Variants in SPAG16 observed in about 807,000 individuals in gnomAD.
SPAG16 encodes sperm-associated antigen 16 protein.
SPAG16 carries 86 observed loss-of-function variants against 80.4 expected under a neutral mutation model. That is an observed-to-expected ratio of 1.07 (90% CI 0.90 to 1.28). SPAG16 has a LOEUF of 1.28. SPAG16 is among the 50% of genes most tolerant of loss of function. The pLI is 0.00. For missense variants in SPAG16, 870 were observed against 765.3 expected, an observed-to-expected ratio of 1.14 and a Z score of -1.61; for synonymous variants, 294 against 265.9, an observed-to-expected ratio of 1.11 and a Z score of -1.03.
At chr2:213,392,366 A>G (rs544526467) in intron 9 of SPAG16, among the ~76,000 whole-genome samples, 10 of 152,340 alleles carry the variant, frequency 6.6e-5, no homozygotes, top group Admixed American at 3.3e-4. Flanking sequence ...TCTGGCATCA[A>G]CCAAGGATCT....
chr2:214,280,733 A>T (rs553315443), intron 15 of SPAG16: 1 of 402,908 alleles, frequency 2.5e-6, no homozygotes, highest in African/African-American at 2.1e-5. Flanking sequence ...GGATGGTTCT[A>T]TCTCTTTTAA....
intron 14 of SPAG16, among the ~76,000 whole-genome samples, chr2:214,109,687 A>G (rs1244898487): frequency 6.6e-6 from 1 of 152,208 alleles, no homozygotes; most frequent in African/African-American, 2.4e-5. Flanking sequence ...CCAAAATTAC[A>G]TTTTAATAGA....
At chr2:213,485,562 T>C (rs2073940212) in intron 9 of SPAG16, among the ~76,000 whole-genome samples, 1 of 152,130 alleles carries the variant, frequency 6.6e-6, no homozygotes, top group Non-Finnish European at 1.5e-5. Flanking sequence ...ATGCATTTTT[T>C]TTTTTCATTT....
intron 11 of SPAG16, among the ~76,000 whole-genome samples, chr2:213,872,282 A>G (rs1013324806): frequency 6.6e-5 from 10 of 152,114 alleles, no homozygotes; most frequent in East Asian, 1.9e-4. Flanking sequence ...CTTCAATCCA[A>G]TGAAACTTAT....
rs796912299 is a variant in SPAG16 at position 213,980,708 on chromosome 2, G to GTATATATATA, written c.1401-33242_1401-33241insATATATATAT. Among the ~76,000 whole-genome samples, 150 of 102,626 alleles carry GTATATATATA rather than the reference G, an allele frequency of 1.5e-3. 8 individuals carry two copies. The highest frequency in any genetic ancestry group is 4.5e-3 in the African/African-American group (92 of 20,444). 67.3% of individuals were successfully genotyped at this position (102,626 alleles called of 152,430 possible). A position where few individuals can be genotyped will look rare whatever the true frequency, so the allele number is the denominator to read the frequency against. ...ATATATAGAATATATGTGTGTGTGT[G>GTATATATATA]TGTGTATATATATATATAGAGAGAG... is the stretch of plus-strand genomic sequence containing the variant. On this transcript the variant is annotated intron_variant, in intron 12 of 15. Coordinates refer to ENST00000331683, the MANE Select transcript of SPAG16 (RefSeq NM_024532.5).
At chr2:213,939,732 T>C (rs113701503) in intron 12 of SPAG16, among the ~76,000 whole-genome samples, 5 of 152,306 alleles carry the variant, frequency 3.3e-5, no homozygotes, top group African/African-American at 1.2e-4. Context: ...AGTTTGCTTT[T>C]TGTTTTAAGT....
intron 15 of SPAG16, among the ~76,000 whole-genome samples, chr2:214,386,023 T>A (rs537644928): frequency 2.0e-5 from 3 of 152,296 alleles, no homozygotes; most frequent in Non-Finnish European, 4.4e-5. Context: ...AATATTCCAA[T>A]TTGGCTCTCA....
At chr2:213,658,656 G>C (rs1282824611) in intron 10 of SPAG16, among the ~76,000 whole-genome samples, 1 of 152,170 alleles carries the variant, frequency 6.6e-6, no homozygotes, top group Non-Finnish European at 1.5e-5. Flanking sequence ...TAAATAGCTT[G>C]CCCCAGAGTC....
chr2:214,295,204 A>G (rs1694049055), intron 15 of SPAG16, among the ~76,000 whole-genome samples: 1 of 152,226 alleles, frequency 6.6e-6, no homozygotes, highest in Non-Finnish European at 1.5e-5. Context: ...GAAGTCTGGC[A>G]ACCAAGGAGC....
At chr2:214,255,686 A>G (rs879289620) in intron 15 of SPAG16, among the ~76,000 whole-genome samples, 15 of 152,052 alleles carry the variant, frequency 9.9e-5, no homozygotes, top group African/African-American at 3.4e-4. Flanking sequence ...CTCAGCTGCA[A>G]TCATTACCAG....
At chr2:214,014,569 G>A (rs2047491593) in intron 13 of SPAG16, among the ~76,000 whole-genome samples, 1 of 152,126 alleles carries the variant, frequency 6.6e-6, no homozygotes, top group Admixed American at 6.5e-5. Context: ...GGGTAAGTAG[G>A]ATATATAGGT....
In SPAG16 at chr2:214,233,830, A is replaced by G. The variant is rs1017329462; in HGVS notation, c.1720+84564A>G. ...TGAGGTATAATTACCAGTAAGCACC[A>G]TCTACTTTTACATATTTCATGTATG... On this transcript the variant is annotated intron_variant, in intron 15 of 15. Transcript: ENST00000331683. Among the ~76,000 whole-genome samples the G allele has an allele frequency of 1.3e-5, 2 of 152,142 alleles. 1 individual carries two copies. The highest frequency in any genetic ancestry group is 2.9e-5 in the Non-Finnish European group (2 of 68,022).
At chr2:214,003,978 A>C (rs2046913377) in intron 12 of SPAG16, among the ~76,000 whole-genome samples, 1 of 152,234 alleles carries the variant, frequency 6.6e-6, no homozygotes, top group Non-Finnish European at 1.5e-5. Context: ...ATAGACTGTT[A>C]AAGCCACCCT....
intron 9 of SPAG16, among the ~76,000 whole-genome samples, chr2:213,441,843 G>A (rs1049181529): frequency 6.6e-6 from 1 of 152,108 alleles, no homozygotes; most frequent in Non-Finnish European, 1.5e-5. Flanking sequence ...CAGTGAACAA[G>A]TGGAATTTGA....
chr2:213,547,532 A>G (rs1322805579), intron 10 of SPAG16, among the ~76,000 whole-genome samples: 1 of 152,194 alleles, frequency 6.6e-6, no homozygotes, highest in African/African-American at 2.4e-5. Context: ...CCTATTTTTT[A>G]AAGAACAGTG....
chr2:214,404,238 A>G (rs749872077), intron 15 of SPAG16, among the ~76,000 whole-genome samples: 1 of 152,220 alleles, frequency 6.6e-6, no homozygotes, highest in African/African-American at 2.4e-5. Flanking sequence ...GTCTGAAAGA[A>G]ATAGTAAAAA....
intron 15 of SPAG16, among the ~76,000 whole-genome samples, chr2:214,291,630 A>T (rs191298841): frequency 1.3e-5 from 2 of 152,056 alleles, no homozygotes; most frequent in Admixed American, 1.3e-4. Context: ...TATCCATTCA[A>T]CCAGTCTATG....
chr2:213,964,736 CAG>C (rs1271049722), intron 12 of SPAG16, among the ~76,000 whole-genome samples: 2 of 152,308 alleles, frequency 1.3e-5, no homozygotes, highest in African/African-American at 4.8e-5. Context: ...CTAGATCAAT[CAG>C]AGTCAAAATG....
intron 6 of SPAG16, among the ~76,000 whole-genome samples, chr2:213,347,607 A>C (rs1433104179): frequency 6.6e-6 from 1 of 152,202 alleles, no homozygotes; most frequent in Non-Finnish European, 1.5e-5. Context: ...ATTGGTTTCA[A>C]AGAACATCTT....
Sources: allele counts gnomAD v4.1 joint callset (sites outside exome capture counted in the v4.1 genomes callset), GRCh38; gene constraint gnomAD v4.1.1; transcripts MANE v1.5; gene names NCBI Gene and HGNC (gene_info 2026-07-23, HGNC 2026-07-21).